Variants in BLTP1 observed in about 807,000 individuals in gnomAD.
The protein encoded by BLTP1 is bridge-like lipid transfer protein family member 1.
chr4:122,248,978 G>T, the BLTP1 span: 288 of 627,574 alleles, frequency 4.6e-4, 1 homozygote, highest in Admixed American at 5.7e-4. Flanking sequence ...CTTCTCTCAG[G>T]CACTTGGGGT....
chr4:122,270,982 G>A, the BLTP1 span: 1 of 1,526,200 alleles, frequency 6.6e-7, no homozygotes, highest in Non-Finnish European at 8.8e-7. Context: ...AAAAATGGAA[G>A]AAAAACCGTG....
At chr4:122,154,763 T>A in the BLTP1 span, 1 of 164,178 alleles carries the variant, frequency 6.1e-6, no homozygotes, top group African/African-American at 2.4e-5. Flanking sequence ...TCCCAGCTAC[T>A]CGGGAGGCTG....
the BLTP1 span, among the ~76,000 whole-genome samples, chr4:122,299,449 AATG>A: frequency 6.6e-6 from 1 of 152,182 alleles, no homozygotes; most frequent in South Asian, 2.1e-4. Context: ...TTGGAATTCA[AATG>A]ATGAAAAGCA....
the BLTP1 span, chr4:122,281,259 C>A: frequency 1.0e-5 from 10 of 965,972 alleles, no homozygotes; most frequent in Non-Finnish European, 1.2e-5. Flanking sequence ...TCAGACAAAT[C>A]TGAGTTTAAA....
chr4:122,341,349 T>G, the BLTP1 span, among the ~76,000 whole-genome samples: 1 of 152,304 alleles, frequency 6.6e-6, no homozygotes, highest in South Asian at 2.1e-4. Context: ...TCATTGTCAA[T>G]GTGATGGATT....
chr4:122,163,208 G>C, the BLTP1 span, among the ~76,000 whole-genome samples: 5 of 152,192 alleles, frequency 3.3e-5, no homozygotes, highest in African/African-American at 1.2e-4. Context: ...AACACTGGTA[G>C]AAGTGGGGAA....
At chr4:122,219,109 A>ATTCCC in the BLTP1 span, 1 of 982,490 alleles carries the variant, frequency 1.0e-6, no homozygotes, top group African/African-American at 1.7e-5. Context: ...AAGTTTTTCT[A>ATTCCC]TAAAATAGGC....
chr4:122,214,187 G>A, the BLTP1 span: 1 of 961,990 alleles, frequency 1.0e-6, no homozygotes, highest in Middle Eastern at 5.3e-4. Context: ...TGAGAAATGA[G>A]CATCATTGGA....
chr4:122,282,589 C>G, the BLTP1 span, among the ~76,000 whole-genome samples: 1 of 152,148 alleles, frequency 6.6e-6, no homozygotes, highest in Non-Finnish European at 1.5e-5. Flanking sequence ...TTGCAGTGAG[C>G]TGAGAGTGTG....
the BLTP1 span, chr4:122,186,316 A>G: frequency 1.2e-6 from 1 of 824,404 alleles, no homozygotes; most frequent in East Asian, 3.4e-5. Flanking sequence ...AACAGAGCCT[A>G]ATATTTCTTT....
the BLTP1 span, chr4:122,339,143 A>G: frequency 3.3e-6 from 5 of 1,513,392 alleles, no homozygotes; most frequent in Admixed American, 1.9e-5. Context: ...TTTCAATATT[A>G]TTTCTATTTA....
the BLTP1 span, chr4:122,152,620 C>G: frequency 2.0e-6 from 2 of 985,576 alleles, no homozygotes; most frequent in South Asian, 9.4e-5. Context: ...GGGTTGAGGT[C>G]GTCAGCCCCT....
the BLTP1 span, chr4:122,183,369 T>C: frequency 1.2e-5 from 11 of 949,240 alleles, no homozygotes; most frequent in Non-Finnish European, 1.4e-5. Context: ...CAATTTAAGA[T>C]TTACATTCTG....
the BLTP1 span, chr4:122,264,192 T>G: frequency 2.7e-6 from 4 of 1,496,508 alleles, no homozygotes; most frequent in East Asian, 9.4e-5. Context: ...TGCTGTACAC[T>G]TTTATGTGTT....
the BLTP1 span, chr4:122,251,381 TG>T: frequency 1.1e-6 from 1 of 927,512 alleles, no homozygotes; most frequent in African/African-American, 1.8e-5. Flanking sequence ...AAGTCTAGTA[TG>T]GGTATCTAGT....
the BLTP1 span, chr4:122,286,870 C>A: frequency 8.9e-7 from 1 of 1,129,252 alleles, no homozygotes; most frequent in Non-Finnish European, 1.3e-6. Context: ...GTAATCCAAA[C>A]TTTTAAGGTA....
the BLTP1 span, among the ~76,000 whole-genome samples, chr4:122,166,216 T>G: frequency 1.3e-5 from 2 of 152,176 alleles, no homozygotes; most frequent in Admixed American, 6.5e-5. Flanking sequence ...GGTCTAACGT[T>G]TAAGTCTTTA....
At chr4:122,233,924 A>C in the BLTP1 span, among the ~76,000 whole-genome samples, 1 of 152,220 alleles carries the variant, frequency 6.6e-6, no homozygotes, top group Non-Finnish European at 1.5e-5. Context: ...ATGTTCAAGA[A>C]ATATAAATTA....
chr4:122,191,428 A>C, the BLTP1 span, among the ~76,000 whole-genome samples: 2 of 152,168 alleles, frequency 1.3e-5, no homozygotes, highest in Non-Finnish European at 2.9e-5. Flanking sequence ...TGATGAGACC[A>C]CCAATGATAT....
Sources: allele counts gnomAD v4.1 joint callset (sites outside exome capture counted in the v4.1 genomes callset), GRCh38; gene constraint gnomAD v4.1.1; transcripts MANE v1.5; gene names NCBI Gene and HGNC (gene_info 2026-07-23, HGNC 2026-07-21).